Variants in LUC7L2 observed in about 807,000 individuals in gnomAD.
LUC7L2 encodes LUC7 like 2, pre-mRNA splicing factor.
LUC7L2 carries 25 observed loss-of-function variants against 52.8 expected under a neutral mutation model. The ratio of observed to expected loss-of-function variants is 0.47; its 90% CI spans 0.34 to 0.66. LUC7L2 has a LOEUF of 0.66. Among genes scored for constraint, LUC7L2 ranks in the 30% least tolerant of loss-of-function variants. The probability of loss-of-function intolerance (pLI) is 0.01; values close to 1 mark genes in which losing one functional copy is unlikely to be tolerated. For missense variants in LUC7L2, 328 were observed against 497.8 expected, an observed-to-expected ratio of 0.66 and a Z score of 3.25; for synonymous variants, 144 against 160.9, an observed-to-expected ratio of 0.89 and a Z score of 0.80.
upstream of LUC7L2, chr7:139,359,822 G>A: frequency 2.5e-6 from 1 of 403,704 alleles, no homozygotes; most frequent in African/African-American, 2.1e-5. Context: ...GGGCGGGGCG[G>A]GCGGAGTGAT....
intron 1 of LUC7L2, chr7:139,345,520 GCA>G: frequency 6.2e-7 from 1 of 1,614,150 alleles, no homozygotes; most frequent in East Asian, 2.2e-5. Context: ...GAAAAGTTGT[GCA>G]GAGCCCAACA....
At chr7:139,390,656 C>T (rs1459907855) in intron 2 of LUC7L2, among the ~76,000 whole-genome samples, 18 of 151,068 alleles carry the variant, frequency 1.2e-4, no homozygotes, top group Middle Eastern at 3.4e-3. Flanking sequence ...CCCAGGTTCA[C>T]GCCATTCTCC....
intron 7 of LUC7L2, among the ~76,000 whole-genome samples, chr7:139,410,160 A>T (rs1334652387): frequency 6.6e-6 from 1 of 151,986 alleles, no homozygotes; most frequent in Non-Finnish European, 1.5e-5. Flanking sequence ...GTGAGCTGAG[A>T]TCGGGCCACT....
intron 1 of LUC7L2, among the ~76,000 whole-genome samples, chr7:139,368,754 T>TAAAAAAA (rs988152802): frequency 8.1e-6 from 1 of 123,254 alleles, no homozygotes; most frequent in African/African-American, 4.2e-5. Flanking sequence ...AAAAAAAAAG[T>TAAAAAAA]AAAAAGTGCA....
intron 1 of LUC7L2, among the ~76,000 whole-genome samples, chr7:139,369,567 A>G (rs1473400629): frequency 6.6e-6 from 1 of 152,172 alleles, no homozygotes; most frequent in Non-Finnish European, 1.5e-5. Context: ...TCACATTTTC[A>G]TCATCACCAT....
chr7:139,416,040 A>AATATAAAT, intron 8 of LUC7L2: 1 of 97,850 alleles, frequency 1.0e-5, no homozygotes, highest in Middle Eastern at 5.4e-3. Flanking sequence ...TGAGGTATAA[A>AATATAAAT]ATATATATAT....
chr7:139,405,692 A>C lies in LUC7L2; in HGVS notation c.415A>C (p.Lys139Gln), dbSNP rs1273899047. 1 of 1,613,038 alleles carries C rather than the reference A, an allele frequency of 6.2e-7. No homozygotes were observed. Among genetic ancestry groups the C allele is most frequent in the Non-Finnish European group, 8.5e-7 (1 of 1,179,690 alleles). The change falls in exon 5 of 10, where the codon AAG (lysine) becomes CAG (glutamine). Residue 139 changes from lysine (K) to glutamine (Q), a missense_variant. By Grantham distance (53) the Lys-to-Gln change is moderately conservative. Around this residue, in one of 2 missense-constraint regions of LUC7L2, gnomAD observed 133 missense variants for 274.4 expected, o/e 0.48. Coordinates refer to ENST00000354926, the MANE Select transcript of LUC7L2 (RefSeq NM_016019.5). ...TGAAGAAATTGGTAAATTGTTAGCC[A>C]AGGTGGAACAACTAGGAGCTGAAGG... Reference protein sequence around the residue: ...LNEEIGKLLAKVEQLGAEGNV... With the variant: ...LNEEIGKLLAQVEQLGAEGNV...
rs191079554 is a variant in LUC7L2 at position 139,405,516 on chromosome 7, C to T, written c.367-128C>T. 26 of 1,222,956 alleles carry T rather than the reference C, an allele frequency of 2.1e-5. No individual in the cohort carries two copies. In the African/African-American group the frequency reaches 4.0e-4, roughly 19 times the overall value. The allele number at this position is 1,222,956 out of a possible 1,614,324, so 75.8% of individuals were successfully genotyped here. On this transcript the variant is annotated intron_variant, in intron 4 of 9. Transcript: ENST00000354926. The stretch of plus-strand genomic sequence containing the variant: ...GTCTCAGTAGTTCATTTGGGATACG[C>T]TCAGAAAGCATTCTTTAACCACATA...
chr7:139,377,825 C>CTTTTTT (rs11346680), intron 2 of LUC7L2, among the ~76,000 whole-genome samples: 3 of 98,328 alleles, frequency 3.1e-5, no homozygotes, highest in Admixed American at 1.1e-4. Context: ...CCGCGCCTGG[C>CTTTTTT]TTTTTTTTTT....
At chr7:139,407,034 T>C (rs1795159719) in intron 5 of LUC7L2, 140 bp from the exon 6 acceptor site, 1 of 290,652 alleles carries the variant, frequency 3.4e-6, no homozygotes, top group African/African-American at 3.3e-5. Flanking sequence ...AGCTGGAGTC[T>C]CGCCCCAGTG....
At chr7:139,412,674 C>CT (rs1292160175) in intron 8 of LUC7L2, 94 bp downstream of exon 8, 2 of 1,477,640 alleles carry the variant, frequency 1.4e-6, no homozygotes, top group Admixed American at 4.6e-5. Flanking sequence ...TAAAAATTTT[C>CT]TTTTTTGGCT....
At position 139,369,658 on chromosome 7, in the gene LUC7L2, G is replaced by A. The variant is rs565412627; in HGVS notation, c.62-6404G>A. 3.3e-5 allele frequency among the ~76,000 whole-genome samples: 5 copies of A among 152,224 alleles called. No homozygotes were observed. In the East Asian group the frequency reaches 9.6e-4, roughly 29 times the overall value. ...CCCAGTTTCATTCTTATAATCTTGTGATATGGATTTTCACAGACAAGTGGG... is the reference window on the plus strand; with the variant it reads ...CCCAGTTTCATTCTTATAATCTTGTAATATGGATTTTCACAGACAAGTGGG... On this transcript the variant is annotated intron_variant, in intron 1 of 9. Coordinates refer to ENST00000354926, the MANE Select transcript of LUC7L2 (RefSeq NM_016019.5).
At chr7:139,399,501 G>A (rs1360884726) in intron 3 of LUC7L2, among the ~76,000 whole-genome samples, 10 of 106,742 alleles carry the variant, frequency 9.4e-5, no homozygotes, top group African/African-American at 2.1e-4. Flanking sequence ...ACAGAGTCTC[G>A]CTCTGTAGCC....
chr7:139,402,350 T>C, intron 4 of LUC7L2, 103 bp downstream of exon 4: 1 of 1,145,164 alleles, frequency 8.7e-7, no homozygotes, highest in African/African-American at 1.6e-5. Flanking sequence ...TGCAAAGACA[T>C]ATACAAGGAA....
intron 7 of LUC7L2, among the ~76,000 whole-genome samples, chr7:139,409,898 G>A (rs181037694): frequency 9.9e-5 from 15 of 152,240 alleles, no homozygotes; most frequent in African/African-American, 3.4e-4. Context: ...AGAATGCTTC[G>A]TATCTTGTAA....
At chr7:139,374,454 C>T (rs1800607717) in intron 1 of LUC7L2, 1 of 1,550,866 alleles carries the variant, frequency 6.4e-7, no homozygotes, top group Non-Finnish European at 8.7e-7. Context: ...GTCAGAAAGG[C>T]CCCGCATTCG....
chr7:139,379,818 G>A lies in LUC7L2; in HGVS notation c.156+3662G>A, dbSNP rs140309676. Among the ~76,000 whole-genome samples the A allele has an allele frequency of 6.7e-3, 1,013 of 151,702 alleles. 14 individuals carry two copies. The highest frequency in any genetic ancestry group is 0.023 in the African/African-American group (934 of 41,372). On this transcript the variant is annotated intron_variant, in intron 2 of 9. Coordinates refer to ENST00000354926, the MANE Select transcript of LUC7L2 (RefSeq NM_016019.5). ...TGACCTCAGTTGATCTGCCTGCCTC[G>A]GCCTCCTAAAGTGCTGCAATGATAG...
chr7:139,373,600 A>G (rs1016862584), intron 1 of LUC7L2, among the ~76,000 whole-genome samples: 1 of 151,684 alleles, frequency 6.6e-6, no homozygotes, highest in Middle Eastern at 3.2e-3. Context: ...TAAAAATTTT[A>G]AAAAACACAA....
chr7:139,374,949 C>T lies in LUC7L2; in HGVS notation c.62-1113C>T, dbSNP rs939518839. 32 of 987,988 alleles carry T rather than the reference C, an allele frequency of 3.2e-5. No individual in the cohort carries two copies. In the African/African-American group the frequency reaches 5.4e-4, roughly 17 times the overall value. 61.2% of individuals were successfully genotyped at this position (987,988 alleles called of 1,614,324 possible). ...AGTTTTTGGAGTGCTCCAGGCATAT[C>T]ATGTGAAATACAGAGGTATTTATAT... On this transcript the variant is annotated intron_variant, in intron 1 of 9. Transcript: ENST00000354926.
Sources: gnomAD v4.1 joint callset for allele counts (sites outside exome capture counted in the v4.1 genomes callset) on GRCh38, gnomAD v4.1.1 for gene constraint, gnomAD v4.1.1 regional missense constraint, MANE v1.5 for transcripts, NCBI Gene and HGNC (gene_info 2026-07-23, HGNC 2026-07-21) for gene names.